The following GMNN variants were observed in gnomAD, a reference collection of about 807,000 sequenced individuals.
The protein encoded by GMNN is geminin.
A neutral mutation model predicts 20.9 loss-of-function variants in GMNN; 14 were observed. The observed-to-expected ratio is 0.67, with a 90% CI of 0.44 to 1.05. The LOEUF (loss-of-function observed/expected upper bound fraction) is 1.05, where lower values mean the gene tolerates loss of function less well. Ranked by LOEUF, GMNN falls within the 50% of genes least tolerant of loss-of-function variation. The pLI is 0.00. For missense variants in GMNN, 227 were observed against 243.8 expected (o/e 0.93, Z 0.46); for synonymous variants, 81 against 85.8 (o/e 0.94, Z 0.31).
intron 2 of GMNN, 24 bp from the exon 3 acceptor site, chr6:24,780,639 T>C (rs769527655): frequency 3.7e-6 from 5 of 1,343,798 alleles, no homozygotes; most frequent in South Asian, 3.5e-5. Flanking sequence ...AGTAACAAGA[T>C]AATGAATTAT....
At position 24,784,592 on chromosome 6, in the gene GMNN, A is replaced by G. The variant is rs2307310; in HGVS notation, c.468+38A>G. Reference sequence around the variant, plus strand: ...ATAGTTATCTGGTTCAAATTTATGTATTTTTCTATAAAGTTGAGGTAGTGT... The same window carrying G: ...ATAGTTATCTGGTTCAAATTTATGTGTTTTTCTATAAAGTTGAGGTAGTGT... On this transcript the variant is annotated intron_variant, in intron 6 of 6. Coordinates refer to ENST00000230056, the MANE Select transcript of GMNN (RefSeq NM_015895.5). 1.2e-3 allele frequency: 1,098 copies of G among 886,544 alleles called. 12 individuals carry two copies. In the African/African-American group the frequency reaches 0.016, roughly 13 times the overall value. The allele number at this position is 886,544 out of a possible 1,614,324, so 54.9% of individuals were successfully genotyped here. A position where few individuals can be genotyped will look rare whatever the true frequency, so the allele number is the denominator to read the frequency against.
In GMNN at chr6:24,784,811, T is replaced by C. The variant is rs10946726; in HGVS notation, c.468+257T>C. On this transcript the variant is annotated intron_variant, in intron 6 of 6. Coordinates refer to ENST00000230056, the MANE Select transcript of GMNN (RefSeq NM_015895.5). ...GTTATGAGAATTAAATGAGTTACAA[T>C]AGATGGACAATTGCAAGGAGTACTT... 0.072 allele frequency among the ~76,000 whole-genome samples: 10,934 copies of C among 152,136 alleles called. 1,150 individuals are homozygous for C. The highest frequency in any genetic ancestry group is 0.22 in the African/African-American group (9,290 of 41,474).
chr6:24,781,395 T>C, intron 3 of GMNN, 82 bp from the exon 4 acceptor site: 1 of 891,466 alleles, frequency 1.1e-6, no homozygotes, highest in South Asian at 1.7e-5. Flanking sequence ...CGTACTCTTT[T>C]TTTAATACAT....
At chr6:24,779,320 A>G (rs1415787560) in intron 2 of GMNN, among the ~76,000 whole-genome samples, 1 of 152,232 alleles carries the variant, frequency 6.6e-6, no homozygotes, top group Non-Finnish European at 1.5e-5. Flanking sequence ...GCAAAAGTCT[A>G]TATAGCTTAT....
chr6:24,784,118 G>A lies in GMNN; in HGVS notation c.306G>A (p.Val102=), dbSNP rs766718081. Residue 102 remains valine, a synonymous_variant, in exon 5 of 7, where the codon GTG becomes GTA. Transcript: ENST00000230056. ...CATCCTCTCAGTATTGGAAGGAAGT[G>A]GCAGAAAAACGGAGAAAGGCGCTGT... The part of the protein sequence containing the change: ...ENPSSQYWKE[V]AEKRRKALYE... 1.3e-6 allele frequency: 2 copies of A among 1,522,152 alleles called. No individual in the cohort carries two copies. Among genetic ancestry groups the A allele is most frequent in the South Asian group, 2.3e-5 (2 of 87,832 alleles). 94.3% of individuals were successfully genotyped at this position (1,522,152 alleles called of 1,614,324 possible). A position where few individuals can be genotyped will look rare whatever the true frequency, so the allele number is the denominator to read the frequency against.
At position 24,780,718 on chromosome 6, in the gene GMNN, C is replaced by T; in HGVS notation, c.107C>T (p.Ser36Phe). 1 of 1,585,398 alleles carries T rather than the reference C, an allele frequency of 6.3e-7. No homozygotes were observed. The highest frequency in any genetic ancestry group is 8.7e-7 in the Non-Finnish European group (1 of 1,153,894). The change falls in exon 3 of 7, where the codon TCT (serine) becomes TTT (phenylalanine). Residue 36 changes from serine to phenylalanine, a missense_variant. Transcript: ENST00000230056. ...LKMIQPSASG[S>F]LVGRENELSA... is the part of the protein sequence containing the mutation. ...ATGATTCAGCCTTCTGCATCTGGAT[C>T]TCTTGTTGGAAGAGAAAATGAGGTA...
chr6:24,778,952 T>C (rs1243140052), intron 2 of GMNN, among the ~76,000 whole-genome samples: 2 of 152,188 alleles, frequency 1.3e-5, no homozygotes, highest in Non-Finnish European at 2.9e-5. Context: ...AAGTCTTGTG[T>C]TTACTAGCTA....
At chr6:24,779,165 G>A (rs1382646527) in intron 2 of GMNN, among the ~76,000 whole-genome samples, 1 of 152,030 alleles carries the variant, frequency 6.6e-6, no homozygotes, top group Non-Finnish European at 1.5e-5. Context: ...ATTTTTTTGG[G>A]GAGAGGATTC....
In GMNN at chr6:24,785,683, C is replaced by G; in HGVS notation, c.514C>G (p.Gln172Glu). 6.4e-7 allele frequency: 1 copy of G among 1,556,494 alleles called. No individual in the cohort carries two copies. The highest frequency in any genetic ancestry group is 1.1e-5 in the South Asian group (1 of 87,748). ...GGATAATTTTGAATCACTGGATAAT[C>G]AGGAATTTGATTCTGAAGAAGAAAC... ...PLDNFESLDNQEFDSEEETVE... is the reference protein window; with the variant it reads ...PLDNFESLDNEEFDSEEETVE... Residue 172 changes from glutamine to glutamate, a missense_variant, in exon 7 of 7, where the codon CAG (glutamine) becomes GAG (glutamate). By Grantham distance (29) the Gln-to-Glu change is conservative (BLOSUM62 2). Coordinates refer to ENST00000230056, the MANE Select transcript of GMNN (RefSeq NM_015895.5).
chr6:24,783,209 T>G (rs1780262379), intron 4 of GMNN, among the ~76,000 whole-genome samples: 2 of 152,102 alleles, frequency 1.3e-5, no homozygotes, highest in African/African-American at 2.4e-5. Flanking sequence ...CAGACTACAG[T>G]TGGGAAAATT....
intron 4 of GMNN, among the ~76,000 whole-genome samples, chr6:24,783,871 T>C (rs1033526699): frequency 2.6e-5 from 4 of 152,088 alleles, no homozygotes; most frequent in African/African-American, 7.2e-5. Context: ...GTGGAAGATA[T>C]ATACGTATTG....
chr6:24,783,010 C>T (rs1271557569), intron 4 of GMNN, among the ~76,000 whole-genome samples: 1 of 152,128 alleles, frequency 6.6e-6, no homozygotes, highest in Non-Finnish European at 1.5e-5. Flanking sequence ...GAAAGGAGCA[C>T]ACCGTGTATC....
chr6:24,784,538 TG>T lies in GMNN; in HGVS notation c.454del (p.Ala152GlnfsTer3). 1.4e-6 allele frequency: 2 copies of T among 1,430,732 alleles called. No homozygotes were observed. Among genetic ancestry groups the T allele is most frequent in the Non-Finnish European group, 2.0e-6 (2 of 1,016,502 alleles). 88.6% of individuals were successfully genotyped at this position (1,430,732 alleles called of 1,614,324 possible). A position where few individuals can be genotyped will look rare whatever the true frequency, so the allele number is the denominator to read the frequency against. On this transcript the variant is annotated frameshift_variant, in exon 6 of 7. Transcript: ENST00000230056. LOFTEE classifies it low-confidence loss of function (END_TRUNC). ...GAAGTAGCAGAACATGTACAGTATA[TG>T]GCAGAGCTAATAGAGGTAGGTAATT... ...LAEVAEHVQY[M>X]AELIERLNGE... is the part of the protein sequence containing the mutation.
intron 4 of GMNN, among the ~76,000 whole-genome samples, chr6:24,783,056 G>A (rs1780259011): frequency 6.6e-6 from 1 of 152,120 alleles, no homozygotes; most frequent in Non-Finnish European, 1.5e-5. Flanking sequence ...CTTCACTAAA[G>A]TTCCATGGAG....
chr6:24,775,576 T>G (rs570965087), intron 1 of GMNN: 75 of 152,388 alleles, frequency 4.9e-4, no homozygotes, highest in African/African-American at 1.7e-3. Flanking sequence ...GTTAAGTGGC[T>G]GGTCCTGATC....
At chr6:24,783,081 A>T (rs904894427) in intron 4 of GMNN, among the ~76,000 whole-genome samples, 7 of 152,168 alleles carry the variant, frequency 4.6e-5, no homozygotes, top group African/African-American at 1.7e-4. Flanking sequence ...TGCTGATTCC[A>T]GGTCAGGGGC....
chr6:24,785,981 G>A lies in GMNN; in HGVS notation c.*182G>A. The A allele has an allele frequency of 2.1e-6, 1 of 484,072 alleles. No individual in the cohort carries two copies. Among genetic ancestry groups the A allele is most frequent in the Middle Eastern group, 3.8e-4 (1 of 2,642 alleles). 30.0% of individuals were successfully genotyped at this position (484,072 alleles called of 1,614,324 possible). On this transcript the variant is annotated 3_prime_UTR_variant, in exon 7 of 7. Coordinates refer to ENST00000230056, the MANE Select transcript of GMNN (RefSeq NM_015895.5). ...ATTTTTAATCTATGATGGTTTATGT[G>A]AATAGGATTTTCTCAGTTGTCAGCC...
chr6:24,780,871 A>G (rs1209842406), intron 3 of GMNN, 131 bp downstream of exon 3: 5 of 610,604 alleles, frequency 8.2e-6, no homozygotes, highest in Non-Finnish European at 1.5e-5. Context: ...ACAATTATAT[A>G]TTTCCCAAAG....
At chr6:24,777,820 T>C (rs1042573984) in intron 2 of GMNN, 1 of 152,236 alleles carries the variant, frequency 6.6e-6, no homozygotes. Flanking sequence ...TTATTACTGC[T>C]TTGTTTCTAC....
Sources: gnomAD v4.1 joint callset for allele counts (sites outside exome capture counted in the v4.1 genomes callset) on GRCh38, gnomAD v4.1.1 for gene constraint, MANE v1.5 for transcripts, NCBI Gene and HGNC (gene_info 2026-07-23, HGNC 2026-07-21) for gene names.